The following BLVRA variants were observed in gnomAD, a reference collection of about 807,000 sequenced individuals.
BLVRA encodes BVR A.
Under a neutral mutation model 32.8 loss-of-function variants are expected in BLVRA, and 22 were observed. That is an observed-to-expected ratio of 0.67 (90% CI 0.48 to 0.96). The LOEUF (loss-of-function observed/expected upper bound fraction) is 0.96. BLVRA is among the 40% of genes least tolerant of loss of function. BLVRA has a pLI of 0.00. For missense variants in BLVRA, 323 were observed against 358.1 expected, an observed-to-expected ratio of 0.90 and a Z score of 0.79; for synonymous variants, 119 against 141.3, an observed-to-expected ratio of 0.84 and a Z score of 1.12.
rs146389616 is a variant in BLVRA at position 43,800,461 on chromosome 7, A to G, written c.353-4A>G. The G allele has an allele frequency of 3.6e-4, 589 of 1,613,862 alleles. No homozygotes were observed. The highest frequency in any genetic ancestry group is 9.7e-4 in the Admixed American group (58 of 60,024). On this transcript the variant is annotated splice_region_variant and splice_polypyrimidine_tract_variant and intron_variant, in intron 5 of 7. Coordinates refer to ENST00000265523, the MANE Select transcript of BLVRA (RefSeq NM_000712.4). ...CCCTTTTTATTCCATTTTTGTCGTT[A>G]CAGGAAAAGTCTTGCACGAGGAGCA...
In BLVRA at chr7:43,807,082, G is replaced by A. The variant is rs1202917225; in HGVS notation, c.738G>A (p.Val246=). 6.2e-7 allele frequency: 1 copy of A among 1,614,208 alleles called. No homozygotes were observed. ...GSLENVPNVG[V]NKNIFLKDQN... ...TGGAGAATGTGCCAAATGTAGGAGT[G>A]AATAAGAACATATTTCTGAAAGATC... The change falls in exon 8 of 8, where the codon GTG becomes GTA. Residue 246 remains valine (V), a synonymous_variant. Transcript: ENST00000265523.
intron 5 of BLVRA, among the ~76,000 whole-genome samples, chr7:43,796,092 C>T (rs2095792435): frequency 6.8e-6 from 1 of 146,984 alleles, no homozygotes. Flanking sequence ...TGTACTCCAT[C>T]CTGGGCAACA....
chr7:43,803,341 A>G (rs1341673329), intron 6 of BLVRA, among the ~76,000 whole-genome samples: 1 of 152,134 alleles, frequency 6.6e-6, no homozygotes, highest in East Asian at 1.9e-4. Flanking sequence ...GTATATCTAC[A>G]TATGTGTACA....
At chr7:43,803,621 T>G (rs2095801078) in intron 6 of BLVRA, 55 bp from the exon 7 acceptor site, 27 of 933,956 alleles carry the variant, frequency 2.9e-5, no homozygotes, top group East Asian at 4.7e-5. Flanking sequence ...CCTGTCCTGC[T>G]TTCCACTTGG....
intron 1 of BLVRA, among the ~76,000 whole-genome samples, chr7:43,763,782 A>G (rs1449514927): frequency 6.6e-6 from 1 of 152,212 alleles, no homozygotes; most frequent in Non-Finnish European, 1.5e-5. Context: ...TATTTTATAT[A>G]AGTCAAATTT....
At chr7:43,800,425 A>G (rs2095797362) in intron 5 of BLVRA, 40 bp from the exon 6 acceptor site, 2 of 1,581,688 alleles carry the variant, frequency 1.3e-6, no homozygotes, top group Non-Finnish European at 1.7e-6. Flanking sequence ...CCTAGACACA[A>G]CTGACGACTG....
At position 43,792,852 on chromosome 7, in the gene BLVRA, T is replaced by G. The variant is rs79568595; in HGVS notation, c.352+40T>G. 2,967 of 1,580,326 alleles carry G rather than the reference T, an allele frequency of 1.9e-3. 55 individuals are homozygous for G. In the African/African-American group the frequency reaches 0.035, roughly 19 times the overall value. On this transcript the variant is annotated intron_variant, in intron 5 of 7. Coordinates refer to ENST00000265523, the MANE Select transcript of BLVRA (RefSeq NM_000712.4). Reference sequence around the variant, plus strand: ...CAAGAGTTTCTGCCTCCAGGATTTCTGTGATATCATCTTTATGCCTTTAAA... The same window carrying G: ...CAAGAGTTTCTGCCTCCAGGATTTCGGTGATATCATCTTTATGCCTTTAAA...
At chr7:43,800,350 C>T in intron 5 of BLVRA, 115 bp from the exon 6 acceptor site, 1 of 984,366 alleles carries the variant, frequency 1.0e-6, no homozygotes, top group South Asian at 1.3e-5. Context: ...GCCATGTGCC[C>T]AGGGCAGTTA....
At chr7:43,767,345 A>G (rs1563535703) in intron 1 of BLVRA, 2 of 1,593,696 alleles carry the variant, frequency 1.3e-6, no homozygotes, top group Non-Finnish European at 1.7e-6. Context: ...AAGTTCGGAA[A>G]AGAAAGCTCA....
intron 1 of BLVRA, chr7:43,767,487 GT>G: frequency 1.5e-6 from 2 of 1,309,754 alleles, no homozygotes; most frequent in Non-Finnish European, 2.2e-6. Flanking sequence ...AAGGACAGCT[GT>G]TTTTATGCTG....
At chr7:43,788,403 A>G (rs187765388) in intron 3 of BLVRA, among the ~76,000 whole-genome samples, 20 of 152,322 alleles carry the variant, frequency 1.3e-4, no homozygotes, top group Non-Finnish European at 1.3e-4. Context: ...CCTGGGCTCT[A>G]CATGTGATAT....
intron 1 of BLVRA, chr7:43,767,670 A>G (rs10233867): frequency 0.17 from 103,379 of 609,330 alleles, 10,114 homozygotes; most frequent in Non-Finnish European, 0.21. Context: ...GGGACATCTG[A>G]TTTGAATAAA....
intron 3 of BLVRA, among the ~76,000 whole-genome samples, chr7:43,789,211 C>G (rs17245939): frequency 1.2e-3 from 176 of 152,294 alleles, no homozygotes; most frequent in African/African-American, 4.1e-3. Context: ...TGGTAGTGAG[C>G]AAGTTAGGCA....
intron 2 of BLVRA, among the ~76,000 whole-genome samples, chr7:43,771,693 C>T (rs1263109844): frequency 2.6e-5 from 4 of 152,232 alleles, no homozygotes; most frequent in African/African-American, 7.2e-5. Flanking sequence ...CCCACTTGTC[C>T]TGTCCATCCA....
At chr7:43,785,249 T>C (rs2095775785) in intron 2 of BLVRA, among the ~76,000 whole-genome samples, 1 of 151,386 alleles carries the variant, frequency 6.6e-6, no homozygotes, top group Admixed American at 6.6e-5. Flanking sequence ...AAACAAATAT[T>C]AATATTTGAT....
At chr7:43,770,510 C>G (rs1200338747) in intron 1 of BLVRA, among the ~76,000 whole-genome samples, 1 of 152,076 alleles carries the variant, frequency 6.6e-6, no homozygotes, top group Non-Finnish European at 1.5e-5. Flanking sequence ...AACAAGAATC[C>G]TAGGGGTACA....
At chr7:43,790,749 T>G (rs2080877511) in intron 3 of BLVRA, among the ~76,000 whole-genome samples, 1 of 152,190 alleles carries the variant, frequency 6.6e-6, no homozygotes, top group Admixed American at 6.5e-5. Flanking sequence ...CTCGGCTCAC[T>G]GCAACCTCCA....
intron 1 of BLVRA, chr7:43,767,404 A>G (rs1585711279): frequency 2.5e-6 from 4 of 1,600,120 alleles, no homozygotes; most frequent in Non-Finnish European, 1.7e-6. Context: ...TTTAATGATC[A>G]CTGTTCCTAT....
intron 2 of BLVRA, among the ~76,000 whole-genome samples, chr7:43,776,631 G>A (rs1008069971): frequency 7.2e-5 from 11 of 152,192 alleles, no homozygotes; most frequent in Non-Finnish European, 1.5e-5. Context: ...GATTTGGGGT[G>A]GAGAGTTCTG....
Sources: gnomAD v4.1 joint callset for allele counts (sites outside exome capture counted in the v4.1 genomes callset) on GRCh38, gnomAD v4.1.1 for gene constraint, MANE v1.5 for transcripts, NCBI Gene and HGNC (gene_info 2026-07-23, HGNC 2026-07-21) for gene names.